KCND2: variants seen among roughly 807,000 people sequenced by gnomAD.
KCND2 encodes the protein potassium voltage-gated channel subfamily D member 2, also known as A-type voltage-gated potassium channel KCND2.
A neutral mutation model predicts 54.4 loss-of-function variants in KCND2; 16 were observed. The ratio of observed to expected loss-of-function variants is 0.29; its 90% CI spans 0.20 to 0.45. The LOEUF is 0.45. KCND2 is among the 20% of genes least tolerant of loss of function. KCND2 has a pLI of 1.00. For missense variants in KCND2, 486 were observed against 824.2 expected (o/e 0.59, Z 5.02); for synonymous variants, 317 against 310.7 (o/e 1.02, Z -0.21).
At chr7:120,709,014 C>CACAGCAAA (rs1792504776) in intron 1 of KCND2, among the ~76,000 whole-genome samples, 3 of 152,044 alleles carry the variant, frequency 2.0e-5, no homozygotes, top group Admixed American at 2.0e-4. Flanking sequence ...ATCATCAAAT[C>CACAGCAAA]AAATTCTCTG....
intron 1 of KCND2, among the ~76,000 whole-genome samples, chr7:120,695,110 A>G (rs1454796788): frequency 6.6e-6 from 1 of 152,142 alleles, no homozygotes; most frequent in African/African-American, 2.4e-5. Flanking sequence ...TGAGTACTCC[A>G]CGATGCTAAA....
At chr7:120,629,927 A>G (rs1294250517) in intron 1 of KCND2, among the ~76,000 whole-genome samples, 1 of 152,188 alleles carries the variant, frequency 6.6e-6, no homozygotes, top group Non-Finnish European at 1.5e-5. Context: ...TTTAGCATCT[A>G]AATGAAAATG....
chr7:120,733,797 C>T (rs145708739), intron 2 of KCND2, among the ~76,000 whole-genome samples: 1 of 151,978 alleles, frequency 6.6e-6, no homozygotes, highest in Admixed American at 6.6e-5. Flanking sequence ...ATAAGCATAG[C>T]GTACACTCAA....
At chr7:120,462,103 A>G (rs1430002363) in intron 1 of KCND2, among the ~76,000 whole-genome samples, 1 of 152,040 alleles carries the variant, frequency 6.6e-6, no homozygotes, top group Non-Finnish European at 1.5e-5. Flanking sequence ...GTGTTGTATT[A>G]GTATCTCATA....
At chr7:120,648,460 A>G (rs1434569320) in intron 1 of KCND2, among the ~76,000 whole-genome samples, 1 of 152,188 alleles carries the variant, frequency 6.6e-6, no homozygotes, top group Non-Finnish European at 1.5e-5. Context: ...AGAGGAGTGT[A>G]AAAAGGCAAA....
intron 1 of KCND2, among the ~76,000 whole-genome samples, chr7:120,489,599 C>A (rs2116296869): frequency 6.6e-6 from 1 of 152,192 alleles, no homozygotes; most frequent in East Asian, 1.9e-4. Flanking sequence ...GTTATTTTTT[C>A]ATATTGCATT....
chr7:120,407,801 A>T (rs1012455067), intron 1 of KCND2, among the ~76,000 whole-genome samples: 1 of 151,784 alleles, frequency 6.6e-6, no homozygotes, highest in African/African-American at 2.4e-5. Context: ...AAATGCCTTC[A>T]TGTCTTCCAG....
intron 1 of KCND2, among the ~76,000 whole-genome samples, chr7:120,406,226 A>C (rs1328006156): frequency 1.3e-5 from 2 of 152,046 alleles, no homozygotes; most frequent in Non-Finnish European, 2.9e-5. Flanking sequence ...CATCAAAAGG[A>C]TCATTAATTC....
In KCND2 at chr7:120,483,431, G is replaced by T. The variant is rs575392292; in HGVS notation, c.1115+207684G>T. ...AGGTCAGAGCTAGACATATAGATCT[G>T]TGAGTTGTTTGCATGGAAGTGATAG... is the stretch of plus-strand genomic sequence containing the variant. On this transcript the variant is annotated intron_variant, in intron 1 of 5. Transcript: ENST00000331113. 4.6e-5 allele frequency among the ~76,000 whole-genome samples: 7 copies of T among 152,296 alleles called. No homozygotes were observed. In the South Asian group the frequency reaches 1.5e-3, roughly 32 times the overall value.
chr7:120,556,415 T>A (rs902374712), intron 1 of KCND2, among the ~76,000 whole-genome samples: 3 of 152,154 alleles, frequency 2.0e-5, no homozygotes, highest in African/African-American at 7.2e-5. Context: ...GAGAACTCAA[T>A]AAAGAGCCTT....
At chr7:120,476,825 G>T (rs946382249) in intron 1 of KCND2, among the ~76,000 whole-genome samples, 66 of 152,092 alleles carry the variant, frequency 4.3e-4, no homozygotes, top group African/African-American at 1.5e-3. Flanking sequence ...CCAATAAAAG[G>T]AAAAGAAAGA....
chr7:120,732,340 CA>C (rs1481641278), intron 1 of KCND2, among the ~76,000 whole-genome samples: 1 of 152,074 alleles, frequency 6.6e-6, no homozygotes, highest in African/African-American at 2.4e-5. Context: ...AGAGAATAGT[CA>C]ACTAATAAGC....
At chr7:120,543,353 T>C (rs978571042) in intron 1 of KCND2, among the ~76,000 whole-genome samples, 1 of 152,030 alleles carries the variant, frequency 6.6e-6, no homozygotes, top group East Asian at 1.9e-4. Context: ...ATCCTCTTAC[T>C]GCGTGTCGAT....
intron 1 of KCND2, among the ~76,000 whole-genome samples, chr7:120,563,898 G>GC (rs1792265877): frequency 6.6e-6 from 1 of 152,138 alleles, no homozygotes; most frequent in Non-Finnish European, 1.5e-5. Context: ...TCCCCTTGAA[G>GC]CCTTTACTTA....
chr7:120,718,156 T>C (rs530585729), intron 1 of KCND2, among the ~76,000 whole-genome samples: 195 of 152,266 alleles, frequency 1.3e-3, no homozygotes, highest in Non-Finnish European at 2.0e-3. Flanking sequence ...ACCCCAAAGA[T>C]GTATTTACTA....
chr7:120,402,241 A>G (rs772520563), intron 1 of KCND2, among the ~76,000 whole-genome samples: 32 of 152,166 alleles, frequency 2.1e-4, no homozygotes, highest in Non-Finnish European at 4.1e-4. Context: ...CCATCAGCAA[A>G]GCTTTTGAAA....
chr7:120,376,584 AAATACATTTG>A (rs1800837986), intron 1 of KCND2, among the ~76,000 whole-genome samples: 1 of 151,248 alleles, frequency 6.6e-6, no homozygotes, highest in Non-Finnish European at 1.5e-5. Context: ...TAAAATATAA[AAATACATTTG>A]CATTCTATTA....
intron 1 of KCND2, among the ~76,000 whole-genome samples, chr7:120,622,485 TTATA>T (rs370315618): frequency 3.0e-4 from 46 of 151,100 alleles, no homozygotes; most frequent in African/African-American, 1.0e-3. Context: ...TGCGAAATTG[TTATA>T]TATATATATA....
intron 1 of KCND2, among the ~76,000 whole-genome samples, chr7:120,319,746 A>G (rs1480003225): frequency 1.3e-5 from 2 of 152,182 alleles, no homozygotes; most frequent in Non-Finnish European, 2.9e-5. Flanking sequence ...TAAAGATACA[A>G]TTTAATGTAA....
Sources: allele counts gnomAD v4.1 joint callset (sites outside exome capture counted in the v4.1 genomes callset), GRCh38; gene constraint gnomAD v4.1.1; transcripts MANE v1.5; gene names NCBI Gene and HGNC (gene_info 2026-07-23, HGNC 2026-07-21).